KCNN1: variants seen among roughly 807,000 people sequenced by gnomAD.
KCNN1 encodes potassium calcium-activated channel subfamily N member 1, also known as small conductance calcium-activated potassium channel protein 1.
In KCNN1, 20 loss-of-function variants were observed where a neutral mutation model predicts 44.7. The observed-to-expected ratio is 0.45, with a 90% CI of 0.32 to 0.65. KCNN1 has a LOEUF of 0.65. KCNN1 is among the 30% of genes least tolerant of loss of function. The pLI is 0.05. For synonymous variants in KCNN1, 324 were observed against 341.7 expected, an observed-to-expected ratio of 0.95 and a Z score of 0.57; for missense variants, 632 against 785.3, an observed-to-expected ratio of 0.80 and a Z score of 2.33.
intron 5 of KCNN1, among the ~76,000 whole-genome samples, 195 bp downstream of exon 5, chr19:17,985,648 AG>A (rs1352244043): frequency 6.6e-6 from 1 of 152,138 alleles, no homozygotes. Context: ...CCACACCCAC[AG>A]GCTTCCTGGG....
upstream of KCNN1, among the ~76,000 whole-genome samples, chr19:17,965,808 C>T (rs2031788635): frequency 6.6e-6 from 1 of 152,122 alleles, no homozygotes; most frequent in Non-Finnish European, 1.5e-5. Context: ...GCCTCTATTT[C>T]CTGATTGTCT....
intron 2 of KCNN1, among the ~76,000 whole-genome samples, chr19:17,959,216 G>A (rs2145902327): frequency 6.6e-6 from 1 of 151,842 alleles, no homozygotes; most frequent in South Asian, 2.1e-4. Flanking sequence ...AGTAGAGACG[G>A]GGTTTCACCA....
Position 17,982,064 on chromosome 19 carries a change from T to G in KCNN1, c.854T>G (p.Val285Gly). The change falls in exon 4 of 10, where the codon GTG (valine) becomes GGG (glycine). Residue 285 changes from valine (V) to glycine (G), a missense_variant. By Grantham distance (109) the Val-to-Gly change is moderately radical. Transcript: ENST00000684775. ...CTCATGACCATCTGCCCCGGCACCG[T>G]GCTGCTGGTCTTCAGCATCTCCTCC... The part of the protein sequence containing the change: ...KTLMTICPGT[V>G]LLVFSISSWI... The G allele has an allele frequency of 6.2e-7, 1 of 1,607,882 alleles. No homozygotes were observed. Among genetic ancestry groups the G allele is most frequent in the Non-Finnish European group, 8.5e-7 (1 of 1,177,730 alleles).
At chr19:17,954,380 C>T (rs2031490600) in intron 1 of KCNN1, among the ~76,000 whole-genome samples, 1 of 151,506 alleles carries the variant, frequency 6.6e-6, no homozygotes, top group Non-Finnish European at 1.5e-5. Flanking sequence ...TTGTTTGAAC[C>T]CTGGAGGCGG....
At chr19:17,957,352 AAG>A (rs1473272378) in intron 2 of KCNN1, among the ~76,000 whole-genome samples, 2 of 147,712 alleles carry the variant, frequency 1.4e-5, no homozygotes, top group South Asian at 2.2e-4. Context: ...GAAGAAAAGA[AAG>A]AAGAAAGAGG....
chr19:17,958,410 C>T (rs1374473982), intron 2 of KCNN1, among the ~76,000 whole-genome samples: 1 of 151,074 alleles, frequency 6.6e-6, no homozygotes. Flanking sequence ...GACAGGAGAT[C>T]GAGGCTGCAG....
chr19:17,985,512 C>T, intron 5 of KCNN1, 59 bp downstream of exon 5: 1 of 1,463,704 alleles, frequency 6.8e-7, no homozygotes. Context: ...CCCGCTCCAC[C>T]AGCCCTTGCA....
Position 17,975,106 on chromosome 19 carries a change from A to G in KCNN1, c.417A>G (p.Ser139=). 1.2e-6 allele frequency: 2 copies of G among 1,613,760 alleles called. No individual in the cohort carries two copies. The highest frequency in any genetic ancestry group is 2.2e-5 in the South Asian group (2 of 91,076). The change falls in exon 3 of 10, where the codon TCA becomes TCG. Residue 139 remains serine (S), a synonymous_variant. Coordinates refer to ENST00000684775, the MANE Select transcript of KCNN1 (RefSeq NM_001386974.1). ...CTCTTTACCAGGAGTCTCTGTACTCATTCGCACTCAAATGCCTCATCAGCC... is the reference window on the plus strand; with the variant it reads ...CTCTTTACCAGGAGTCTCTGTACTCGTTCGCACTCAAATGCCTCATCAGCC... The part of the protein sequence containing the change: ...WGVYTKESLY[S]FALKCLISLS...
At chr19:17,996,488 C>T (rs1205242765) in intron 9 of KCNN1, among the ~76,000 whole-genome samples, 1 of 152,166 alleles carries the variant, frequency 6.6e-6, no homozygotes, top group Non-Finnish European at 1.5e-5. Context: ...CACCTGTAAT[C>T]TCAGCTACTT....
intron 1 of KCNN1, among the ~76,000 whole-genome samples, chr19:17,968,861 T>G (rs535926681): frequency 6.6e-6 from 1 of 152,082 alleles, no homozygotes; most frequent in Non-Finnish European, 1.5e-5. Context: ...CCCCGTAGGA[T>G]GTTTGTTGTT....
At chr19:17,968,090 G>A (rs897545815) in intron 1 of KCNN1, among the ~76,000 whole-genome samples, 83 of 141,604 alleles carry the variant, frequency 5.9e-4, no homozygotes, top group African/African-American at 1.9e-3. Flanking sequence ...GAAGGGAGGG[G>A]TGGGGGTGGT....
chr19:17,987,994 AC>A (rs2032660023), intron 5 of KCNN1, among the ~76,000 whole-genome samples: 2 of 151,446 alleles, frequency 1.3e-5, no homozygotes, highest in Non-Finnish European at 2.9e-5. Context: ...ACACACACAC[AC>A]ACACACACAA....
chr19:17,954,914 T>G (rs2031504281), intron 2 of KCNN1, among the ~76,000 whole-genome samples: 1 of 151,878 alleles, frequency 6.6e-6, no homozygotes, highest in South Asian at 2.1e-4. Context: ...GGTGGGCACC[T>G]GCAATCCTAG....
At position 17,973,847 on chromosome 19, in the gene KCNN1, C is replaced by G; in HGVS notation, c.-42C>G. 1 of 1,540,364 alleles carries G rather than the reference C, an allele frequency of 6.5e-7. No individual in the cohort carries two copies. The highest frequency in any genetic ancestry group is 2.4e-5 in the East Asian group (1 of 40,840). On this transcript the variant is annotated 5_prime_UTR_variant, in exon 2 of 10. Coordinates refer to ENST00000684775, the MANE Select transcript of KCNN1 (RefSeq NM_001386974.1). ...CCAGCCGCTGAGCCATGCCGGGCCC[C>G]GGGCGGCCTGCAGCGAGCCCAACCC...
chr19:17,965,784 C>A (rs1415887605), upstream of KCNN1, among the ~76,000 whole-genome samples: 1 of 152,166 alleles, frequency 6.6e-6, no homozygotes, highest in African/African-American at 2.4e-5. Context: ...GTGGATCTGA[C>A]CGGGACCACC....
intron 6 of KCNN1, among the ~76,000 whole-genome samples, chr19:17,989,086 G>A (rs2032700339): frequency 1.3e-5 from 2 of 152,132 alleles, no homozygotes; most frequent in South Asian, 2.1e-4. Context: ...TGACCCTAGC[G>A]GGTTGACTGC....
intron 1 of KCNN1, among the ~76,000 whole-genome samples, chr19:17,967,548 G>T (rs962226663): frequency 6.6e-6 from 1 of 152,146 alleles, no homozygotes; most frequent in Non-Finnish European, 1.5e-5. Flanking sequence ...GGGGGAGGGT[G>T]CAGGGTTCAC....
intron 3 of KCNN1, among the ~76,000 whole-genome samples, chr19:17,975,947 G>A (rs1166046852): frequency 2.6e-5 from 4 of 152,024 alleles, no homozygotes; most frequent in Non-Finnish European, 4.4e-5. Flanking sequence ...TCAAGTGATC[G>A]GCCCACCTCA....
chr19:17,955,819 G>A (rs1052276478), intron 2 of KCNN1, among the ~76,000 whole-genome samples: 12 of 115,580 alleles, frequency 1.0e-4, no homozygotes, highest in Middle Eastern at 5.1e-3. Flanking sequence ...TCTACTTCCC[G>A]GCTCTCGTGG....
Sources: gnomAD v4.1 joint callset for allele counts (sites outside exome capture counted in the v4.1 genomes callset) on GRCh38, gnomAD v4.1.1 for gene constraint, MANE v1.5 for transcripts, NCBI Gene and HGNC (gene_info 2026-07-23, HGNC 2026-07-21) for gene names.